BCAT2: variants seen among roughly 807,000 people sequenced by gnomAD.
BCAT2 encodes branched chain amino acid transaminase 2, also known as branched-chain-amino-acid aminotransferase, mitochondrial.
BCAT2 carries 44 observed loss-of-function variants against 52.9 expected under a neutral mutation model. That is an observed-to-expected ratio of 0.83 (90% CI 0.65 to 1.07). BCAT2 has a LOEUF of 1.07. Ranked by LOEUF, BCAT2 falls within the 50% of genes least tolerant of loss-of-function variation. The pLI is 0.00. For synonymous variants in BCAT2, 215 were observed against 217.1 expected (o/e 0.99, Z 0.08); for missense variants, 478 against 521.8 (o/e 0.92, Z 0.82).
chr19:48,795,256 G>A lies in BCAT2; in HGVS notation c.*170C>T, dbSNP rs769410573. ...GGCTGGGGGCCAAGATGCCTGGGTC[G>A]GCCCTTACGGCTTTGGGAGTGTCGC... On this transcript the variant is annotated 3_prime_UTR_variant, in exon 11 of 11. Transcript: ENST00000316273. The A allele has an allele frequency of 8.9e-6, 7 of 786,318 alleles. No homozygotes were observed. Among genetic ancestry groups the A allele is most frequent in the Non-Finnish European group, 1.2e-5 (6 of 483,192 alleles). The allele number at this position is 786,318 out of a possible 1,614,324, so 48.7% of individuals were successfully genotyped here. A position where few individuals can be genotyped will look rare whatever the true frequency, so the allele number is the denominator to read the frequency against.
At chr19:48,803,765 G>T (rs2034705020) in intron 3 of BCAT2, among the ~76,000 whole-genome samples, 1 of 152,210 alleles carries the variant, frequency 6.6e-6, no homozygotes, top group Admixed American at 6.5e-5. Context: ...TGGGGTGAGG[G>T]ACAATGGGTA....
chr19:48,800,150 G>C, intron 4 of BCAT2, 37 bp downstream of exon 4: 1 of 1,612,582 alleles, frequency 6.2e-7, no homozygotes, highest in Non-Finnish European at 8.5e-7. Context: ...CCCGGCCCCA[G>C]CCCTCCTCCC....
Position 48,800,083 on chromosome 19 carries a change from C to G in BCAT2, c.429G>C (p.Glu143Asp), listed in dbSNP as rs779098795. ...TGAGCCGGCGGATGCACTCCAGCAA[C>G]TCCAGCTTGTCGAAACTCTGGGTGG... ...RLCLPSFDKL[E>D]LLECIRRLIE... The change falls in exon 5 of 11, where the codon GAG becomes GAC. Residue 143 changes from glutamate to aspartate, a missense_variant. Physicochemically the swap from Glu to Asp is conservative, Grantham distance 45. Coordinates refer to ENST00000316273, the MANE Select transcript of BCAT2 (RefSeq NM_001190.4). 2 of 1,613,918 alleles carry G rather than the reference C, an allele frequency of 1.2e-6. No homozygotes were observed. Among genetic ancestry groups the G allele is most frequent in the Non-Finnish European group, 1.7e-6 (2 of 1,179,942 alleles).
Position 48,803,344 on chromosome 19 carries a change from C to A in BCAT2, c.301-3047G>T, listed in dbSNP as rs572656788. ...GATCACCCTGGGCAACATAACAAGACCCCATCCCTAAAAAAAAATAAAATA... is the reference window on the plus strand; with the variant it reads ...GATCACCCTGGGCAACATAACAAGAACCCATCCCTAAAAAAAAATAAAATA... On this transcript the variant is annotated intron_variant, in intron 3 of 10. Coordinates refer to ENST00000316273, the MANE Select transcript of BCAT2 (RefSeq NM_001190.4). Among the ~76,000 whole-genome samples, 43 of 152,022 alleles carry A rather than the reference C, an allele frequency of 2.8e-4. 2 individuals are homozygous for A. Among genetic ancestry groups the A allele is most frequent in the African/African-American group, 9.6e-4 (40 of 41,460 alleles).
At chr19:48,804,674 C>A (rs2034726178) in intron 3 of BCAT2, among the ~76,000 whole-genome samples, 1 of 152,196 alleles carries the variant, frequency 6.6e-6, no homozygotes, top group Admixed American at 6.6e-5. Context: ...CTTCCGCCCC[C>A]TGGACCCGCG....
Position 48,799,500 on chromosome 19 carries a change from C to T in BCAT2, c.695+175G>A. On this transcript the variant is annotated intron_variant, in intron 6 of 10. Transcript: ENST00000316273. This position sits in a 1 kb window ranked among gnomAD's most constrained non-coding sequence, Gnocchi z 5.5. ...TCTGAAAAATAATCCCCTCCTCCTTCCTTCCATGGTTTGTTTTCAGGGACC... is the reference window on the plus strand; with the variant it reads ...TCTGAAAAATAATCCCCTCCTCCTTTCTTCCATGGTTTGTTTTCAGGGACC... 1 of 798,898 alleles carries T rather than the reference C, an allele frequency of 1.3e-6. No homozygotes were observed. The highest frequency in any genetic ancestry group is 3.2e-5 in the East Asian group (1 of 30,940). The allele number at this position is 798,898 out of a possible 1,614,324, so 49.5% of individuals were successfully genotyped here. A position where few individuals can be genotyped will look rare whatever the true frequency, so the allele number is the denominator to read the frequency against.
intron 10 of BCAT2, chr19:48,796,056 A>T: frequency 4.9e-6 from 2 of 412,260 alleles, no homozygotes; most frequent in Non-Finnish European, 8.6e-6. Context: ...CCACCAGGGC[A>T]CCCGGGGCAG....
At chr19:48,798,500 C>G (rs2034581730) in intron 6 of BCAT2, among the ~76,000 whole-genome samples, 1 of 152,220 alleles carries the variant, frequency 6.6e-6, no homozygotes, top group Non-Finnish European at 1.5e-5. Context: ...CTTCTGTGAT[C>G]CTATTCCTTC....
chr19:48,796,376 A>G lies in BCAT2; in HGVS notation c.1140+52T>C, dbSNP rs369335260. On this transcript the variant is annotated intron_variant, in intron 10 of 10. Coordinates refer to ENST00000316273, the MANE Select transcript of BCAT2 (RefSeq NM_001190.4). ...TAGTCCAGGGGCTCATGGGACACCA[A>G]CTTCTCCAGGGAACAAGCTCCCAGC... 57 of 1,609,780 alleles carry G rather than the reference A, an allele frequency of 3.5e-5. No homozygotes were observed. The African/African-American group carries it at 5.9e-4, about 17-fold the overall frequency.
chr19:48,795,398 C>G lies in BCAT2; in HGVS notation c.*28G>C. ...GCTGGCGTGACGAGATGCTACGGGT[C>G]GGTGGATCTGGAGCACAGCCTGCAG... On this transcript the variant is annotated 3_prime_UTR_variant, in exon 11 of 11. Coordinates refer to ENST00000316273, the MANE Select transcript of BCAT2 (RefSeq NM_001190.4). The G allele has an allele frequency of 6.2e-7, 1 of 1,613,742 alleles. No individual in the cohort carries two copies. The highest frequency in any genetic ancestry group is 8.5e-7 in the Non-Finnish European group (1 of 1,179,920).
In BCAT2 at chr19:48,796,552, C is replaced by A. The variant is rs560632911; in HGVS notation, c.1065+26G>T. ...CCAAGCCCCTCCCCTCCTTCCCTCC[C>A]ACCCACAATGGCAGCCCCGCCTCAC... On this transcript the variant is annotated intron_variant, in intron 9 of 10. Coordinates refer to ENST00000316273, the MANE Select transcript of BCAT2 (RefSeq NM_001190.4). 22 of 1,610,860 alleles carry A rather than the reference C, an allele frequency of 1.4e-5. No individual in the cohort carries two copies. The South Asian group carries it at 2.4e-4, about 18-fold the overall frequency.
At chr19:48,797,920 G>A (rs1476632713) in intron 6 of BCAT2, among the ~76,000 whole-genome samples, 3 of 151,572 alleles carry the variant, frequency 2.0e-5, no homozygotes, top group Non-Finnish European at 2.9e-5. Context: ...GGGTCCAAGC[G>A]ATTCTCGTGC....
chr19:48,800,125 A>C, intron 4 of BCAT2, 25 bp from the exon 5 acceptor site: 2 of 1,613,524 alleles, frequency 1.2e-6, no homozygotes, highest in Non-Finnish European at 1.7e-6. Context: ...GAATGAGTCA[A>C]GGGGCCCTTG....
intron 3 of BCAT2, among the ~76,000 whole-genome samples, chr19:48,801,000 TG>T (rs1023444198): frequency 3.3e-5 from 5 of 151,884 alleles, no homozygotes; most frequent in African/African-American, 1.2e-4. Context: ...TGTTTTGTTT[TG>T]TTTTGAGACA....
At chr19:48,803,215 C>T (rs2034693844) in intron 3 of BCAT2, among the ~76,000 whole-genome samples, 1 of 149,586 alleles carries the variant, frequency 6.7e-6, no homozygotes, top group South Asian at 2.1e-4. Flanking sequence ...CAAAACAAAA[C>T]CCAGGTAAAA....
chr19:48,806,868 C>T (rs948278390), intron 2 of BCAT2, 132 bp downstream of exon 2: 25 of 1,379,412 alleles, frequency 1.8e-5, no homozygotes, highest in East Asian at 2.4e-5. Context: ...CCCTTGTCTG[C>T]GGCCCAATGG....
intron 10 of BCAT2, 91 bp from the exon 11 acceptor site, chr19:48,795,555 C>A: frequency 6.8e-7 from 1 of 1,462,580 alleles, no homozygotes; most frequent in Non-Finnish European, 9.4e-7. Flanking sequence ...GCCTACGGAG[C>A]TGTGCCCCAG....
chr19:48,804,603 A>G (rs775627846), intron 3 of BCAT2, among the ~76,000 whole-genome samples: 17 of 152,182 alleles, frequency 1.1e-4, no homozygotes, highest in Non-Finnish European at 2.2e-4. Flanking sequence ...CCTGCAATCC[A>G]CACATGCCCT....
intron 3 of BCAT2, among the ~76,000 whole-genome samples, chr19:48,802,441 C>CTTTTT (rs35775607): frequency 3.6e-4 from 31 of 87,032 alleles, no homozygotes; most frequent in Non-Finnish European, 4.8e-4. Flanking sequence ...TACTGGATTC[C>CTTTTT]TTTTTTTTTT....
Sources: allele counts gnomAD v4.1 joint callset (sites outside exome capture counted in the v4.1 genomes callset), GRCh38; gene constraint gnomAD v4.1.1; non-coding constraint Gnocchi (gnomAD v3.1); transcripts MANE v1.5; gene names NCBI Gene and HGNC (gene_info 2026-07-23, HGNC 2026-07-21).